RANBP10: variants seen among roughly 807,000 people sequenced by gnomAD.
RANBP10 encodes the protein ran-binding protein 10.
In RANBP10, 24 loss-of-function variants were observed where a neutral mutation model predicts 72.8. The observed-to-expected ratio is 0.33, with a 90% confidence interval of 0.24 to 0.46. The LOEUF (loss-of-function observed/expected upper bound fraction) is 0.46, where lower values mean the gene tolerates loss of function less well. Ranked by LOEUF, RANBP10 falls within the 20% of genes least tolerant of loss-of-function variation. The pLI, the probability that RANBP10 is intolerant of heterozygous loss-of-function variation, is 1.00. For synonymous variants in RANBP10, 310 were observed against 322.3 expected (o/e 0.96, Z 0.41); for missense variants, 679 against 817.5 (o/e 0.83, Z 2.07).
chr16:67,797,127 T>G (rs1404792318), intron 2 of RANBP10, among the ~76,000 whole-genome samples: 1 of 152,198 alleles, frequency 6.6e-6, no homozygotes, highest in Non-Finnish European at 1.5e-5. Flanking sequence ...GATGAGCTTC[T>G]GCTTCTCTTC....
chr16:67,744,147 G>A, intron 4 of RANBP10, 141 bp downstream of exon 4: 1 of 1,472,734 alleles, frequency 6.8e-7, no homozygotes. Flanking sequence ...CTATTCACCT[G>A]AAAGGGCTCC....
In RANBP10 at chr16:67,729,229, C is replaced by A; in HGVS notation, c.1352+51G>T. ...GCTCAAAGGACAGACTGCAATGGGC[C>A]CAGCTGGCATAAGGCAGAAGGCAGA... On this transcript the variant is annotated intron_variant, in intron 10 of 13. Transcript: ENST00000317506. The surrounding 1 kb of genome is among the most constrained non-coding windows in gnomAD (Gnocchi z 7.1). The A allele has an allele frequency of 6.3e-7, 1 of 1,595,534 alleles. No homozygotes were observed.
chr16:67,748,237 T>A (rs1303089083), intron 3 of RANBP10, among the ~76,000 whole-genome samples: 1 of 151,600 alleles, frequency 6.6e-6, no homozygotes, highest in African/African-American at 2.4e-5. Context: ...CTAATTATTC[T>A]GGCCGGATGC....
intron 3 of RANBP10, among the ~76,000 whole-genome samples, chr16:67,764,165 G>A (rs1444486121): frequency 6.6e-6 from 1 of 152,162 alleles, no homozygotes; most frequent in Non-Finnish European, 1.5e-5. Flanking sequence ...ATCAGTTCTT[G>A]TTGGTTTCAA....
intron 2 of RANBP10, among the ~76,000 whole-genome samples, chr16:67,778,217 C>T (rs1009919052): frequency 1.3e-5 from 2 of 152,092 alleles, no homozygotes; most frequent in Non-Finnish European, 2.9e-5. Context: ...GGCATAGTGG[C>T]GCATGCCTGT....
intron 3 of RANBP10, among the ~76,000 whole-genome samples, chr16:67,756,300 A>G (rs2054284292): frequency 6.6e-6 from 1 of 152,226 alleles, no homozygotes; most frequent in Non-Finnish European, 1.5e-5. Context: ...TGCTGAATGG[A>G]AAGATTTCCT....
intron 2 of RANBP10, among the ~76,000 whole-genome samples, chr16:67,774,097 C>T (rs935209675): frequency 6.6e-6 from 1 of 152,220 alleles, no homozygotes; most frequent in Non-Finnish European, 1.5e-5. Context: ...CCTCAGCTGA[C>T]CAAGCAGCAA....
chr16:67,793,440 T>A (rs1597918206), intron 2 of RANBP10, among the ~76,000 whole-genome samples: 1 of 151,112 alleles, frequency 6.6e-6, no homozygotes, highest in African/African-American at 2.4e-5. Flanking sequence ...GCCTCCCGAG[T>A]AGCTAGGATT....
chr16:67,735,432 G>A (rs915265602), intron 5 of RANBP10, among the ~76,000 whole-genome samples: 2 of 152,060 alleles, frequency 1.3e-5, no homozygotes, highest in African/African-American at 2.4e-5. Flanking sequence ...AAAGATCCAG[G>A]GCCAAGGATC....
At chr16:67,731,292 A>G (rs1157469358) in intron 7 of RANBP10, 180 bp downstream of exon 7, 32 of 567,506 alleles carry the variant, frequency 5.6e-5, no homozygotes, top group Non-Finnish European at 3.8e-5. Context: ...CATCCTGCCA[A>G]CTGTCCATCT....
chr16:67,757,443 C>T (rs1467891806), intron 3 of RANBP10, among the ~76,000 whole-genome samples: 1 of 152,192 alleles, frequency 6.6e-6, no homozygotes, highest in Non-Finnish European at 1.5e-5. Context: ...CAGAATGTCA[C>T]TCTTGAGGCT....
intron 3 of RANBP10, among the ~76,000 whole-genome samples, chr16:67,758,501 G>T (rs1211925318): frequency 6.6e-6 from 1 of 152,142 alleles, no homozygotes. Context: ...CTCGAAAGGA[G>T]CTCCCGGAGT....
In RANBP10 at chr16:67,772,090, C is replaced by CTAA; in HGVS notation, c.348-5_348-4insTTA. The CTAA allele has an allele frequency of 7.6e-7, 1 of 1,312,736 alleles. No homozygotes were observed. The highest frequency in any genetic ancestry group is 9.8e-7 in the Non-Finnish European group (1 of 1,021,522). The allele number at this position is 1,312,736 out of a possible 1,614,324, so 81.3% of individuals were successfully genotyped here. On this transcript the variant is annotated splice_polypyrimidine_tract_variant and splice_region_variant and intron_variant, in intron 2 of 13. Coordinates refer to ENST00000317506, the MANE Select transcript of RANBP10 (RefSeq NM_020850.3). ...CGAGAGTCCTATTCCCATGTAACTT[C>CTAA]AAAAAAAAAAAAAAAAAAAACACAA... is the stretch of plus-strand genomic sequence containing the variant.
In RANBP10 at chr16:67,744,330, T is replaced by G. The variant is rs76970113; in HGVS notation, c.526A>C (p.Ile176Leu). The G allele has an allele frequency of 6.2e-7, 1 of 1,614,154 alleles. No individual in the cohort carries two copies. Among genetic ancestry groups the G allele is most frequent in the Non-Finnish European group, 8.5e-7 (1 of 1,180,022 alleles). Reference sequence around the variant, plus strand: ...TTGGTGTAGAAGCAGGTGCCATTGATGAGGTTGACACAGCAGCCGATCACG... The same window carrying G: ...TTGGTGTAGAAGCAGGTGCCATTGAGGAGGTTGACACAGCAGCCGATCACG... Reference protein sequence around the residue: ...GDVIGCCVNLINGTCFYTKNG... With the variant: ...GDVIGCCVNLLNGTCFYTKNG... The change falls in exon 4 of 14, where the codon ATC (isoleucine) becomes CTC (leucine). Residue 176 changes from isoleucine to leucine, a missense_variant. Ile to Leu is a conservative substitution (Grantham distance 5). Transcript: ENST00000317506.
intron 3 of RANBP10, among the ~76,000 whole-genome samples, chr16:67,753,729 G>C (rs2054237353): frequency 6.6e-6 from 1 of 152,226 alleles, no homozygotes; most frequent in African/African-American, 2.4e-5. Flanking sequence ...GAAAGACTCA[G>C]AGCAGAGTGG....
chr16:67,729,537 A>G lies in RANBP10; in HGVS notation c.1148-53T>C. On this transcript the variant is annotated intron_variant, in intron 9 of 13. Transcript: ENST00000317506. This position sits in a 1 kb window ranked among gnomAD's most constrained non-coding sequence, Gnocchi z 7.1. ...GGAGGGGCAGCTTCCCATGAAATGA[A>G]GCCCCAAGAACAACCACAGTGGTCC... The G allele has an allele frequency of 6.3e-7, 1 of 1,579,918 alleles. No individual in the cohort carries two copies. Among genetic ancestry groups the G allele is most frequent in the Non-Finnish European group, 8.6e-7 (1 of 1,163,134 alleles).
chr16:67,783,760 C>A (rs140282892), intron 2 of RANBP10, among the ~76,000 whole-genome samples: 2 of 152,042 alleles, frequency 1.3e-5, no homozygotes, highest in African/African-American at 4.8e-5. Context: ...AAGAAGACAT[C>A]AGGCTGAGTG....
intron 2 of RANBP10, among the ~76,000 whole-genome samples, chr16:67,792,491 G>A (rs956937558): frequency 6.6e-6 from 1 of 151,878 alleles, no homozygotes; most frequent in African/African-American, 2.4e-5. Context: ...GAACCTGGGA[G>A]GCAGAGGTTG....
At chr16:67,803,706 C>CAGTT (rs1348969433) in intron 2 of RANBP10, among the ~76,000 whole-genome samples, 1 of 149,866 alleles carries the variant, frequency 6.7e-6, no homozygotes, top group African/African-American at 2.5e-5. Flanking sequence ...CCTGTATTCC[C>CAGTT]AGTTACTCAG....
Sources: gnomAD v4.1 joint callset for allele counts (sites outside exome capture counted in the v4.1 genomes callset) on GRCh38, gnomAD v4.1.1 for gene constraint, Gnocchi (gnomAD v3.1) non-coding constraint, MANE v1.5 for transcripts, NCBI Gene and HGNC (gene_info 2026-07-23, HGNC 2026-07-21) for gene names.